SH3BGRL2: variants seen among roughly 807,000 people sequenced by gnomAD.
The protein encoded by SH3BGRL2 is SH3 domain-binding glutamic acid-rich-like protein 2.
Under a neutral mutation model 14.8 loss-of-function variants are expected in SH3BGRL2, and 21 were observed. The observed-to-expected ratio is 1.42, with a 90% CI of 1.01 to 2.05. SH3BGRL2 has a LOEUF of 2.05. Among genes scored for constraint, SH3BGRL2 ranks in the 30% most tolerant of loss-of-function variants. The probability of loss-of-function intolerance (pLI) is 0.00; values close to 1 mark genes in which losing one functional copy is unlikely to be tolerated. For missense variants in SH3BGRL2, 147 were observed against 130.8 expected (o/e 1.12, Z -0.61); for synonymous variants, 50 against 47.8 (o/e 1.05, Z -0.19).
rs1391663920 is a variant in SH3BGRL2, at chr6:79,700,513, T to C, written c.*1004T>C. ...ATACCAATGTTGTAGTAAAATTTAATTTTTCCTTTTGTTACTTTTCATTTG... is the reference window on the plus strand; with the variant it reads ...ATACCAATGTTGTAGTAAAATTTAACTTTTCCTTTTGTTACTTTTCATTTG... On this transcript the variant is annotated 3_prime_UTR_variant, in exon 4 of 4. Coordinates refer to ENST00000369838, the MANE Select transcript of SH3BGRL2 (RefSeq NM_031469.4). 3 of 152,246 alleles carry C rather than the reference T, an allele frequency of 2.0e-5. No homozygotes were observed. Among genetic ancestry groups the C allele is most frequent in the African/African-American group, 7.2e-5 (3 of 41,460 alleles). 9.4% of individuals were successfully genotyped at this position (152,246 alleles called of 1,614,324 possible). A position where few individuals can be genotyped will look rare whatever the true frequency, so the allele number is the denominator to read the frequency against.
At chr6:79,610,305 A>G in the SH3BGRL2 span, among the ~76,000 whole-genome samples, 1 of 152,180 alleles carries the variant, frequency 6.6e-6, no homozygotes, top group African/African-American at 2.4e-5. Context: ...CTTTTCATTC[A>G]ACATAATTTT....
the SH3BGRL2 span, among the ~76,000 whole-genome samples, chr6:79,620,344 T>C: frequency 1.3e-3 from 202 of 152,200 alleles, 2 homozygotes; most frequent in Middle Eastern, 0.017. Context: ...CTTCCGACCT[T>C]TATGAGAGTG....
At position 79,699,562 on chromosome 6, in the gene SH3BGRL2, A is replaced by T. The variant is rs928966950; in HGVS notation, c.*53A>T. ...GCATTTTGAAGCACCCCTGGTACTCAGCACACACATGCTTACCTAATGCAT... is the reference window on the plus strand; with the variant it reads ...GCATTTTGAAGCACCCCTGGTACTCTGCACACACATGCTTACCTAATGCAT... On this transcript the variant is annotated 3_prime_UTR_variant, in exon 4 of 4. Coordinates refer to ENST00000369838, the MANE Select transcript of SH3BGRL2 (RefSeq NM_031469.4). 6.6e-7 allele frequency: 1 copy of T among 1,523,798 alleles called. No homozygotes were observed. The highest frequency in any genetic ancestry group is 1.4e-5 in the African/African-American group (1 of 69,272). The allele number at this position is 1,523,798 out of a possible 1,614,324, so 94.4% of individuals were successfully genotyped here.
the SH3BGRL2 span, among the ~76,000 whole-genome samples, chr6:79,557,590 T>C: frequency 1.8e-4 from 27 of 152,312 alleles, no homozygotes; most frequent in South Asian, 2.1e-4. Context: ...ACTAGGAATG[T>C]TCCCATCCCA....
chr6:79,602,208 A>G, the SH3BGRL2 span, among the ~76,000 whole-genome samples: 1 of 152,240 alleles, frequency 6.6e-6, no homozygotes, highest in Admixed American at 6.5e-5. Flanking sequence ...AAACATTTCA[A>G]AAACGGTCTG....
At chr6:79,542,833 A>G in the SH3BGRL2 span, among the ~76,000 whole-genome samples, 1 of 152,178 alleles carries the variant, frequency 6.6e-6, no homozygotes, top group Admixed American at 6.6e-5. Context: ...AACCTACACT[A>G]TTACTTTATC....
the SH3BGRL2 span, among the ~76,000 whole-genome samples, chr6:79,580,647 G>A: frequency 6.6e-6 from 1 of 152,200 alleles, no homozygotes; most frequent in African/African-American, 2.4e-5. Context: ...AAAGCAGTGT[G>A]TAGAGGGAAA....
At chr6:79,589,896 C>CA in the SH3BGRL2 span, among the ~76,000 whole-genome samples, 1 of 152,116 alleles carries the variant, frequency 6.6e-6, no homozygotes, top group Non-Finnish European at 1.5e-5. Flanking sequence ...CTCAACCTTC[C>CA]AAGTGGCCGT....
chr6:79,586,608 A>G, the SH3BGRL2 span, among the ~76,000 whole-genome samples: 1 of 152,180 alleles, frequency 6.6e-6, no homozygotes, highest in Non-Finnish European at 1.5e-5. Flanking sequence ...TGACTCTGAA[A>G]ATGAAGTAAC....
intron 2 of SH3BGRL2, among the ~76,000 whole-genome samples, chr6:79,695,453 G>C (rs1163164066): frequency 6.6e-6 from 1 of 152,178 alleles, no homozygotes; most frequent in East Asian, 1.9e-4. Flanking sequence ...GATGCCGTTG[G>C]CTTGGCTTAA....
intron 1 of SH3BGRL2, among the ~76,000 whole-genome samples, chr6:79,657,353 ATAG>A (rs1769441591): frequency 6.6e-6 from 1 of 152,182 alleles, no homozygotes; most frequent in Non-Finnish European, 1.5e-5. Context: ...GATATAAGCA[ATAG>A]TAGAATTTCC....
the SH3BGRL2 span, among the ~76,000 whole-genome samples, chr6:79,545,744 T>C: frequency 6.6e-6 from 1 of 152,192 alleles, no homozygotes; most frequent in Non-Finnish European, 1.5e-5. Flanking sequence ...TTAATACTAG[T>C]GGTACTTGAA....
the SH3BGRL2 span, among the ~76,000 whole-genome samples, chr6:79,552,160 C>T: frequency 2.6e-5 from 4 of 152,250 alleles, no homozygotes; most frequent in African/African-American, 9.6e-5. Context: ...AGGAGCCAGT[C>T]CATGGTCAGT....
chr6:79,635,201 A>C (rs1471860055), intron 1 of SH3BGRL2, among the ~76,000 whole-genome samples: 1 of 152,204 alleles, frequency 6.6e-6, no homozygotes, highest in Non-Finnish European at 1.5e-5. Flanking sequence ...TCAAAATGTA[A>C]ATAAAATCTT....
chr6:79,559,528 G>A, the SH3BGRL2 span, among the ~76,000 whole-genome samples: 8 of 152,140 alleles, frequency 5.3e-5, no homozygotes, highest in Non-Finnish European at 1.0e-4. Flanking sequence ...CTATGGAAAT[G>A]TTCCTCCAAG....
intron 1 of SH3BGRL2, among the ~76,000 whole-genome samples, chr6:79,665,885 G>C (rs1769650780): frequency 6.6e-6 from 1 of 152,062 alleles, no homozygotes; most frequent in Admixed American, 6.5e-5. Context: ...TTTATCCTTG[G>C]CTTGGTAATC....
intron 1 of SH3BGRL2, among the ~76,000 whole-genome samples, chr6:79,644,317 G>A (rs1002559563): frequency 2.6e-5 from 4 of 152,134 alleles, no homozygotes; most frequent in Non-Finnish European, 5.9e-5. Context: ...TTGGTGGAAG[G>A]GAGGGAATTG....
the SH3BGRL2 span, among the ~76,000 whole-genome samples, chr6:79,538,674 G>A: frequency 6.6e-6 from 1 of 152,208 alleles, no homozygotes; most frequent in Non-Finnish European, 1.5e-5. Context: ...AAAGGAAGTT[G>A]CTAGGAAGAA....
At chr6:79,674,143 AAAT>A (rs1481956368) in intron 2 of SH3BGRL2, among the ~76,000 whole-genome samples, 3 of 152,310 alleles carry the variant, frequency 2.0e-5, no homozygotes, top group Admixed American at 6.5e-5. Context: ...GAAGCATTAA[AAAT>A]AATCATTTTA....
Sources: gnomAD v4.1 joint callset for allele counts (sites outside exome capture counted in the v4.1 genomes callset) on GRCh38, gnomAD v4.1.1 for gene constraint, MANE v1.5 for transcripts, NCBI Gene and HGNC (gene_info 2026-07-23, HGNC 2026-07-21) for gene names.